Variants in C12orf50 observed in about 807,000 individuals in gnomAD.
C12orf50 encodes the protein uncharacterized protein C12orf50.
Under a neutral mutation model 61.6 loss-of-function variants are expected in C12orf50, and 35 were observed. That is an observed-to-expected ratio of 0.57 (90% CI 0.43 to 0.75). The LOEUF (loss-of-function observed/expected upper bound fraction) is 0.75. Among genes scored for constraint, C12orf50 ranks in the 30% least tolerant of loss-of-function variants. C12orf50 has a pLI of 0.00. For missense variants in C12orf50, 475 were observed against 488.5 expected (o/e 0.97, Z 0.26); for synonymous variants, 178 against 161.5 (o/e 1.10, Z -0.77).
In C12orf50 at chr12:87,998,186, G is replaced by A. The variant is rs764875232; in HGVS notation, c.138C>T (p.Ile46=). ...NGLFLPPSSN[I]TLQKEIQEGI... Reference sequence around the variant, plus strand: ...CTTCCTGAATTTCTTTCTGTAGTGTGATATCTGCAGAGAAAATGCAACATT... The same window carrying A: ...CTTCCTGAATTTCTTTCTGTAGTGTAATATCTGCAGAGAAAATGCAACATT... The change falls in exon 4 of 13, where the codon ATC becomes ATT. Residue 46 remains isoleucine (I), a synonymous_variant. Coordinates refer to ENST00000298699, the MANE Select transcript of C12orf50 (RefSeq NM_152589.3). 53 of 1,609,952 alleles carry A rather than the reference G, an allele frequency of 3.3e-5. No homozygotes were observed. The highest frequency in any genetic ancestry group is 4.4e-5 in the Non-Finnish European group (52 of 1,177,492).
At chr12:87,982,599 G>A (rs1427430580) in intron 12 of C12orf50, among the ~76,000 whole-genome samples, 1 of 152,090 alleles carries the variant, frequency 6.6e-6, no homozygotes, top group East Asian at 1.9e-4. Flanking sequence ...ACCCTGAGGA[G>A]GTTCCAAGGA....
intron 3 of C12orf50, among the ~76,000 whole-genome samples, chr12:88,000,941 T>C (rs189829077): frequency 3.3e-4 from 50 of 151,984 alleles, no homozygotes; most frequent in African/African-American, 9.1e-4. Context: ...ATTTTCTAAA[T>C]AAAAGATCAT....
At chr12:87,985,653 A>T in intron 11 of C12orf50, 197 bp downstream of exon 11, 1 of 621,390 alleles carries the variant, frequency 1.6e-6, no homozygotes, top group African/African-American at 1.8e-5. Context: ...TGCACACAAC[A>T]TGAGTTTTCT....
intron 3 of C12orf50, among the ~76,000 whole-genome samples, chr12:88,012,181 G>A (rs1466266502): frequency 6.6e-6 from 1 of 152,170 alleles, no homozygotes; most frequent in Non-Finnish European, 1.5e-5. Context: ...CTACAAGGGA[G>A]TACTTATGAG....
At chr12:88,020,008 C>T (rs930700749) in intron 3 of C12orf50, among the ~76,000 whole-genome samples, 36 of 152,166 alleles carry the variant, frequency 2.4e-4, no homozygotes, top group Admixed American at 2.2e-3. Context: ...TTTTTTACCA[C>T]CAGACATGCC....
At chr12:87,990,393 T>A (rs1466868244) in intron 7 of C12orf50, among the ~76,000 whole-genome samples, 1 of 152,184 alleles carries the variant, frequency 6.6e-6, no homozygotes, top group East Asian at 1.9e-4. Flanking sequence ...TAGTGATTGA[T>A]TATACACAGT....
At chr12:87,992,831 TTAAAA>T (rs1302917422) in intron 7 of C12orf50, among the ~76,000 whole-genome samples, 3 of 152,166 alleles carry the variant, frequency 2.0e-5, no homozygotes, top group African/African-American at 7.2e-5. Flanking sequence ...CAATAACACA[TTAAAA>T]TAATATTAAG....
chr12:88,028,010 T>G (rs1312223971), intron 1 of C12orf50: 1 of 152,222 alleles, frequency 6.6e-6, no homozygotes, highest in African/African-American at 2.4e-5. Flanking sequence ...GTCACAAAGT[T>G]AATACTTAAC....
intron 8 of C12orf50, among the ~76,000 whole-genome samples, chr12:87,988,552 G>A (rs1443871208): frequency 3.9e-5 from 6 of 152,152 alleles, no homozygotes; most frequent in Admixed American, 3.9e-4. Context: ...ATAGCTTTAA[G>A]AGTTTCTTTG....
At chr12:88,008,606 GTTTGCTTAAGCATT>G (rs1257554013) in intron 3 of C12orf50, among the ~76,000 whole-genome samples, 1 of 151,930 alleles carries the variant, frequency 6.6e-6, no homozygotes, top group Non-Finnish European at 1.5e-5. Flanking sequence ...ATAAAGAATT[GTTTGCTTAAGCATT>G]TTTTACCTAT....
At chr12:88,005,872 A>G (rs1206892454) in intron 3 of C12orf50, among the ~76,000 whole-genome samples, 1 of 147,586 alleles carries the variant, frequency 6.8e-6, no homozygotes, top group Non-Finnish European at 1.5e-5. Flanking sequence ...GAAGTAGTAG[A>G]CTAAAGATTG....
At chr12:88,028,605 A>G (rs541671324) in intron 1 of C12orf50, among the ~76,000 whole-genome samples, 1 of 152,100 alleles carries the variant, frequency 6.6e-6, no homozygotes, top group Non-Finnish European at 1.5e-5. Context: ...GACAGAGGAA[A>G]ATTCAGTAAT....
chr12:87,988,765 G>A (rs893481395), intron 8 of C12orf50, among the ~76,000 whole-genome samples: 2 of 152,198 alleles, frequency 1.3e-5, no homozygotes, highest in African/African-American at 2.4e-5. Flanking sequence ...TTTAGTCTGC[G>A]ACTGAGAGGC....
At chr12:87,993,292 T>C (rs2031216054) in intron 7 of C12orf50, among the ~76,000 whole-genome samples, 1 of 152,188 alleles carries the variant, frequency 6.6e-6, no homozygotes, top group East Asian at 1.9e-4. Flanking sequence ...AAATAACCTT[T>C]TATTAACCAA....
intron 3 of C12orf50, among the ~76,000 whole-genome samples, chr12:88,005,912 G>GTTTTTTTTTTTTTTTTT (rs371924944): frequency 6.6e-5 from 6 of 91,036 alleles, no homozygotes; most frequent in Admixed American, 1.2e-4. Flanking sequence ...TGTTTTTTTG[G>GTTTTTTTTTTTTTTTTT]TTTTTTTTTT....
At chr12:88,002,663 C>T (rs2031699644) in intron 3 of C12orf50, among the ~76,000 whole-genome samples, 1 of 151,506 alleles carries the variant, frequency 6.6e-6, no homozygotes, top group Non-Finnish European at 1.5e-5. Context: ...CAATCTCTGC[C>T]TTTTGATTGA....
chr12:87,992,029 A>G (rs979377601), intron 7 of C12orf50, among the ~76,000 whole-genome samples: 1 of 152,164 alleles, frequency 6.6e-6, no homozygotes, highest in Non-Finnish European at 1.5e-5. Flanking sequence ...TACAGAGATG[A>G]TCAGAGAATG....
At chr12:88,000,124 T>C (rs972300670) in intron 3 of C12orf50, among the ~76,000 whole-genome samples, 1 of 151,956 alleles carries the variant, frequency 6.6e-6, no homozygotes, top group Non-Finnish European at 1.5e-5. Context: ...CGTTAATGGG[T>C]GTGGATTTCC....
chr12:87,994,579 C>T, intron 7 of C12orf50, 54 bp downstream of exon 7: 1 of 1,200,228 alleles, frequency 8.3e-7, no homozygotes, highest in South Asian at 1.4e-5. Context: ...AAAATTCAGA[C>T]TCATTTATTA....
Sources: allele counts gnomAD v4.1 joint callset (sites outside exome capture counted in the v4.1 genomes callset), GRCh38; gene constraint gnomAD v4.1.1; transcripts MANE v1.5; gene names NCBI Gene and HGNC (gene_info 2026-07-23, HGNC 2026-07-21).